Variants in ARHGAP24 observed in about 807,000 individuals in gnomAD.
ARHGAP24 encodes the protein rho GTPase-activating protein 24.
A neutral mutation model predicts 76.4 loss-of-function variants in ARHGAP24; 50 were observed. The observed-to-expected ratio is 0.65, with a 90% CI of 0.52 to 0.83. ARHGAP24 has a LOEUF of 0.83. Among genes scored for constraint, ARHGAP24 ranks in the 40% least tolerant of loss-of-function variants. The pLI, the probability that ARHGAP24 is intolerant of heterozygous loss-of-function variation, is 0.00. For missense variants in ARHGAP24, 930 were observed against 914.2 expected (o/e 1.02, Z -0.22); for synonymous variants, 345 against 323.3 (o/e 1.07, Z -0.72).
In ARHGAP24 at chr4:85,867,918, T is replaced by TAC. The variant is rs1449132352; in HGVS notation, c.269-55720_269-55719dup. Among the ~76,000 whole-genome samples, 5 of 79,376 alleles carry TAC rather than the reference T, an allele frequency of 6.3e-5. 1 individual carries two copies. The highest frequency in any genetic ancestry group is 1.7e-4 in the African/African-American group (5 of 29,106). 52.1% of individuals were successfully genotyped at this position (79,376 alleles called of 152,430 possible). A position where few individuals can be genotyped will look rare whatever the true frequency, so the allele number is the denominator to read the frequency against. Reference sequence around the variant, plus strand: ...GTGTACATATATATATACATATATGTACACACACACAAACCAAAACGTAAC... The same window carrying TAC: ...GTGTACATATATATATACATATATGTACACACACACACAAACCAAAACGTAAC... On this transcript the variant is annotated intron_variant, in intron 3 of 9. Transcript: ENST00000395184.
chr4:85,994,632 T>C lies in ARHGAP24; in HGVS notation c.978T>C (p.Asp326=), dbSNP rs1374173825. Residue 326 remains aspartate (D), a synonymous_variant, in exon 9 of 10, where the codon GAT becomes GAC. Coordinates refer to ENST00000395184, the MANE Select transcript of ARHGAP24 (RefSeq NM_001025616.3). ...QLMSVMISKH[D]CLFPKDAELQ... ...TGTCAGTGATGATTAGCAAACATGA[T>C]TGCCTCTTTCCCAAAGATGCAGAAC... The C allele has an allele frequency of 3.1e-6, 5 of 1,614,202 alleles. No individual in the cohort carries two copies. Among genetic ancestry groups the C allele is most frequent in the Admixed American group, 1.7e-5 (1 of 60,028 alleles).
At position 85,995,457 on chromosome 4, in the gene ARHGAP24, T is replaced by A; in HGVS notation, c.1803T>A (p.Leu601=). Residue 601 remains leucine (L), a synonymous_variant, in exon 9 of 10, where the codon CTT becomes CTA. Transcript: ENST00000395184. ...PVLDGPPQDD[L]SHPRDYESKS... The stretch of plus-strand genomic sequence containing the variant: ...TGGATGGGCCCCCGCAGGACGACCT[T>A]TCCCACCCCAGGGACTATGAAAGCA... 6.2e-7 allele frequency: 1 copy of A among 1,606,482 alleles called. No homozygotes were observed. Among genetic ancestry groups the A allele is most frequent in the South Asian group, 1.1e-5 (1 of 90,324 alleles).
At chr4:85,816,206 T>TA (rs1729230513) in intron 3 of ARHGAP24, among the ~76,000 whole-genome samples, 1 of 152,196 alleles carries the variant, frequency 6.6e-6, no homozygotes, top group African/African-American at 2.4e-5. Flanking sequence ...AAGTACACAC[T>TA]AGAGTGTTTT....
At chr4:85,808,121 C>T (rs141974400) in intron 3 of ARHGAP24, among the ~76,000 whole-genome samples, 2 of 152,224 alleles carry the variant, frequency 1.3e-5, no homozygotes, top group African/African-American at 4.8e-5. Context: ...TCAGCATTCT[C>T]ATTTTATTTT....
At chr4:85,659,245 A>G (rs1054439336) in intron 2 of ARHGAP24, among the ~76,000 whole-genome samples, 1 of 152,248 alleles carries the variant, frequency 6.6e-6, no homozygotes, top group Admixed American at 6.5e-5. Flanking sequence ...AACAGAGGAA[A>G]GAATGATGCT....
chr4:85,653,389 T>C (rs1456011707), intron 2 of ARHGAP24, among the ~76,000 whole-genome samples: 2 of 152,182 alleles, frequency 1.3e-5, no homozygotes, highest in Non-Finnish European at 2.9e-5. Flanking sequence ...ATGATGAAAA[T>C]AGCATAAGTA....
chr4:85,726,868 G>A (rs962301131), intron 3 of ARHGAP24, among the ~76,000 whole-genome samples: 4 of 152,124 alleles, frequency 2.6e-5, no homozygotes, highest in African/African-American at 9.7e-5. Flanking sequence ...ATTTGATCCA[G>A]GTTAAAAAGC....
At chr4:85,683,176 T>C (rs967322300) in intron 2 of ARHGAP24, among the ~76,000 whole-genome samples, 18 of 142,770 alleles carry the variant, frequency 1.3e-4, no homozygotes, top group South Asian at 2.4e-4. Flanking sequence ...ATATTGATAA[T>C]AACAAAAACA....
chr4:85,703,903 A>G (rs1724198757), intron 2 of ARHGAP24, among the ~76,000 whole-genome samples: 1 of 152,068 alleles, frequency 6.6e-6, no homozygotes, highest in Admixed American at 6.6e-5. Flanking sequence ...GCTACCCCCA[A>G]AAAAATCCCC....
chr4:85,915,954 T>A (rs1735363271), intron 3 of ARHGAP24, among the ~76,000 whole-genome samples: 1 of 152,156 alleles, frequency 6.6e-6, no homozygotes, highest in African/African-American at 2.4e-5. Flanking sequence ...GGTTGCTGGG[T>A]CAAACGGCAT....
At chr4:85,659,664 G>A (rs1394704926) in intron 2 of ARHGAP24, among the ~76,000 whole-genome samples, 1 of 152,082 alleles carries the variant, frequency 6.6e-6, no homozygotes, top group Non-Finnish European at 1.5e-5. Context: ...TATAATTAAA[G>A]TACACATAAG....
intron 2 of ARHGAP24, among the ~76,000 whole-genome samples, chr4:85,600,496 A>C (rs1175468586): frequency 6.6e-6 from 1 of 152,202 alleles, no homozygotes; most frequent in African/African-American, 2.4e-5. Flanking sequence ...GAGATGGGGC[A>C]TTCACCTTTC....
At chr4:85,562,204 A>G (rs952511738) in intron 1 of ARHGAP24, among the ~76,000 whole-genome samples, 49 of 152,236 alleles carry the variant, frequency 3.2e-4, no homozygotes, top group African/African-American at 1.2e-3. Flanking sequence ...AGAAAATGCT[A>G]ATGCTATGGA....
intron 4 of ARHGAP24, 65 bp downstream of exon 4, chr4:85,923,835 C>T (rs1735870685): frequency 5.0e-6 from 8 of 1,609,594 alleles, no homozygotes; most frequent in Middle Eastern, 3.3e-4. Context: ...CCCTTTCCCC[C>T]AGCGAATGTT....
At chr4:85,574,722 AATAAAT>A (rs1270718820) in intron 2 of ARHGAP24, among the ~76,000 whole-genome samples, 2 of 152,332 alleles carry the variant, frequency 1.3e-5, no homozygotes, top group East Asian at 3.9e-4. Flanking sequence ...AACCTAAGTT[AATAAAT>A]ATGAGTTTCT....
intron 1 of ARHGAP24, among the ~76,000 whole-genome samples, chr4:85,489,053 ATATTC>A (rs959448344): frequency 6.6e-6 from 1 of 152,190 alleles, no homozygotes; most frequent in African/African-American, 2.4e-5. Context: ...AGTAAATTGA[ATATTC>A]TCCACACTGT....
intron 3 of ARHGAP24, among the ~76,000 whole-genome samples, chr4:85,827,475 T>C (rs1021307183): frequency 7.1e-6 from 1 of 140,188 alleles, no homozygotes; most frequent in Non-Finnish European, 1.5e-5. Flanking sequence ...TGTGTGTGTG[T>C]GTGTGTGTGT....
chr4:85,690,938 G>T (rs937071503), intron 2 of ARHGAP24, among the ~76,000 whole-genome samples: 9 of 151,860 alleles, frequency 5.9e-5, no homozygotes, highest in African/African-American at 1.9e-4. Flanking sequence ...GCAAGGTAAG[G>T]TTGCTAATTT....
intron 2 of ARHGAP24, among the ~76,000 whole-genome samples, chr4:85,658,389 AT>A (rs956134271): frequency 2.6e-5 from 4 of 152,072 alleles, no homozygotes; most frequent in African/African-American, 4.8e-5. Flanking sequence ...GCTTCTCAGA[AT>A]TTTTTTTAAC....
Sources: allele counts gnomAD v4.1 joint callset (sites outside exome capture counted in the v4.1 genomes callset), GRCh38; gene constraint gnomAD v4.1.1; transcripts MANE v1.5; gene names NCBI Gene and HGNC (gene_info 2026-07-23, HGNC 2026-07-21).